The following LRRTM4 variants were observed in gnomAD, a reference collection of about 807,000 sequenced individuals.
LRRTM4 encodes leucine rich repeat transmembrane neuronal 4.
A neutral mutation model predicts 47.6 loss-of-function variants in LRRTM4; 25 were observed. That is an observed-to-expected ratio of 0.53 (90% confidence interval 0.38 to 0.73). LRRTM4 has a LOEUF of 0.73. LRRTM4 is among the 30% of genes least tolerant of loss of function. LRRTM4 has a pLI of 0.00. For missense variants in LRRTM4, 638 were observed against 713.4 expected (o/e 0.89, Z 1.20); for synonymous variants, 311 against 269.5 (o/e 1.15, Z -1.51).
intron 3 of LRRTM4, among the ~76,000 whole-genome samples, chr2:77,083,019 A>G (rs897498358): frequency 1.3e-5 from 2 of 152,192 alleles, no homozygotes; most frequent in African/African-American, 4.8e-5. Flanking sequence ...TTATCAATTT[A>G]TAACTTTTAA....
intron 3 of LRRTM4, among the ~76,000 whole-genome samples, chr2:77,124,941 C>T (rs1671615579): frequency 6.6e-6 from 1 of 152,128 alleles, no homozygotes; most frequent in Non-Finnish European, 1.5e-5. Flanking sequence ...GTGTAGCTTT[C>T]ACAGCATTCT....
chr2:77,188,235 C>T (rs1012948307), intron 3 of LRRTM4, among the ~76,000 whole-genome samples: 3 of 152,154 alleles, frequency 2.0e-5, no homozygotes, highest in African/African-American at 2.4e-5. Flanking sequence ...AGAGACTACA[C>T]TCATCTCTTG....
intron 3 of LRRTM4, among the ~76,000 whole-genome samples, chr2:77,149,469 G>C (rs897503003): frequency 7.2e-5 from 11 of 152,032 alleles, no homozygotes; most frequent in East Asian, 3.9e-4. Flanking sequence ...AGAAGCAAAG[G>C]CTCCCGAGGT....
chr2:77,375,879 C>T (rs957751643), intron 3 of LRRTM4, among the ~76,000 whole-genome samples: 2 of 151,760 alleles, frequency 1.3e-5, no homozygotes, highest in Non-Finnish European at 2.9e-5. Flanking sequence ...ATAGAAATCA[C>T]CTTGCATAAC....
At chr2:76,957,940 G>A (rs899460730) in intron 3 of LRRTM4, among the ~76,000 whole-genome samples, 3 of 151,504 alleles carry the variant, frequency 2.0e-5, no homozygotes, top group East Asian at 3.9e-4. Flanking sequence ...ATGTGTGTGT[G>A]TATATATATT....
At chr2:76,965,850 G>T (rs549642914) in intron 3 of LRRTM4, among the ~76,000 whole-genome samples, 5 of 151,390 alleles carry the variant, frequency 3.3e-5, no homozygotes, top group Non-Finnish European at 7.4e-5. Flanking sequence ...GCAAATGAAA[G>T]TACTAATTAT....
At chr2:76,806,587 A>T (rs376158842) in intron 3 of LRRTM4, among the ~76,000 whole-genome samples, 2 of 137,812 alleles carry the variant, frequency 1.5e-5, no homozygotes, top group African/African-American at 5.8e-5. Flanking sequence ...GTCTCAAAAC[A>T]TTTTTTTTAA....
chr2:77,253,097 C>T (rs1231690657), intron 3 of LRRTM4, among the ~76,000 whole-genome samples: 3 of 152,134 alleles, frequency 2.0e-5, no homozygotes, highest in Admixed American at 6.6e-5. Flanking sequence ...TTACACTCTC[C>T]TCACCTTCTC....
intron 3 of LRRTM4, among the ~76,000 whole-genome samples, chr2:76,851,023 C>A (rs539777633): frequency 1.3e-5 from 2 of 152,278 alleles, no homozygotes; most frequent in East Asian, 1.9e-4. Flanking sequence ...GTAGGAGCAG[C>A]CAGTTTGGGT....
chr2:77,141,931 CAA>C (rs2103763504), intron 3 of LRRTM4, among the ~76,000 whole-genome samples: 1 of 152,250 alleles, frequency 6.6e-6, no homozygotes, highest in South Asian at 2.1e-4. Context: ...CTTCAACACC[CAA>C]GTCTTCTTCT....
Position 76,975,088 on chromosome 2 carries a change from AAACC to A in LRRTM4, c.1552-226176_1552-226173del, listed in dbSNP as rs1676373841. On this transcript the variant is annotated intron_variant, in intron 3 of 3. Coordinates refer to ENST00000409884, the MANE Select transcript of LRRTM4 (RefSeq NM_001134745.3). ...AACAAACAAACCAACAAAAACAAACAAACCAACAAAAAGCCCTAATTGGTGACAC... is the reference window on the plus strand; with the variant it reads ...AACAAACAAACCAACAAAAACAAACAAACAAAAAGCCCTAATTGGTGACAC... Among the ~76,000 whole-genome samples the A allele has an allele frequency of 2.0e-5, 3 of 151,890 alleles. No homozygotes were observed. The South Asian group carries it at 6.2e-4, about 32-fold the overall frequency.
At chr2:77,385,413 G>A (rs1407043638) in intron 3 of LRRTM4, among the ~76,000 whole-genome samples, 1 of 152,142 alleles carries the variant, frequency 6.6e-6, no homozygotes, top group Non-Finnish European at 1.5e-5. Context: ...TCACTGGTAA[G>A]GAAAAATCCT....
intron 3 of LRRTM4, among the ~76,000 whole-genome samples, chr2:77,026,259 A>C (rs750402241): frequency 2.6e-5 from 4 of 152,160 alleles, no homozygotes; most frequent in Admixed American, 6.5e-5. Flanking sequence ...TACATGCATC[A>C]TGTCAATCAA....
intron 3 of LRRTM4, among the ~76,000 whole-genome samples, chr2:77,007,432 T>C (rs116671732): frequency 0.012 from 1,889 of 152,292 alleles, 41 homozygotes; most frequent in African/African-American, 0.043. Flanking sequence ...ATATTGGCTA[T>C]ATGACCAAAT....
At chr2:77,033,428 T>G (rs1678729712) in intron 3 of LRRTM4, among the ~76,000 whole-genome samples, 1 of 151,716 alleles carries the variant, frequency 6.6e-6, no homozygotes, top group African/African-American at 2.4e-5. Context: ...AAATGCATAG[T>G]TTTTTTTACT....
intron 3 of LRRTM4, among the ~76,000 whole-genome samples, chr2:77,336,979 G>A (rs1352330135): frequency 6.6e-6 from 1 of 152,014 alleles, no homozygotes; most frequent in African/African-American, 2.4e-5. Context: ...TCAAGATTCT[G>A]ACAAAATGCT....
intron 3 of LRRTM4, among the ~76,000 whole-genome samples, chr2:77,480,828 A>T (rs62162638): frequency 0.43 from 36,642 of 85,710 alleles, 5,830 homozygotes; most frequent in Non-Finnish European, 0.47. Flanking sequence ...GTGTGGAGAG[A>T]GAGAGAGAGA....
At chr2:76,884,683 G>A (rs10200557) in intron 3 of LRRTM4, among the ~76,000 whole-genome samples, 10,455 of 152,128 alleles carry the variant, frequency 0.069, 830 homozygotes, top group African/African-American at 0.19. Flanking sequence ...AGAAAAAAGA[G>A]AAACAACCAG....
At position 76,772,268 on chromosome 2, in the gene LRRTM4, G is replaced by A. The variant is rs541567413; in HGVS notation, c.1552-23352C>T. 3.9e-3 allele frequency among the ~76,000 whole-genome samples: 588 copies of A among 152,246 alleles called. 10 individuals are homozygous for A. In the South Asian group the frequency reaches 0.05, roughly 13 times the overall value. Reference sequence around the variant, plus strand: ...AACCAAGAGGGAGGACATCAGATCAGCCACCATTTCGATCTTGAACTTCCC... The same window carrying A: ...AACCAAGAGGGAGGACATCAGATCAACCACCATTTCGATCTTGAACTTCCC... On this transcript the variant is annotated intron_variant, in intron 3 of 3. Transcript: ENST00000409884.
Sources: gnomAD v4.1 joint callset for allele counts (sites outside exome capture counted in the v4.1 genomes callset) on GRCh38, gnomAD v4.1.1 for gene constraint, MANE v1.5 for transcripts, NCBI Gene and HGNC (gene_info 2026-07-23, HGNC 2026-07-21) for gene names.